TTC34: variants seen among roughly 807,000 people sequenced by gnomAD.
TTC34 encodes tetratricopeptide repeat domain 34.
A neutral mutation model predicts 40.7 loss-of-function variants in TTC34; 44 were observed. That is an observed-to-expected ratio of 1.08 (90% CI 0.85 to 1.39). The LOEUF is 1.39. TTC34 is among the 40% of genes most tolerant of loss of function. TTC34 has a pLI of 0.00. For synonymous variants in TTC34, 422 were observed against 398.6 expected (o/e 1.06, Z -0.70); for missense variants, 884 against 838.0 (o/e 1.05, Z -0.68).
intron 6 of TTC34, among the ~76,000 whole-genome samples, chr1:2,648,719 C>G (rs1293461162): frequency 6.8e-6 from 1 of 147,640 alleles, no homozygotes; most frequent in African/African-American, 2.5e-5. Context: ...CACAGGTGAG[C>G]ATCTGACAGC....
At chr1:2,762,072 C>A (rs1173392307) in intron 6 of TTC34, among the ~76,000 whole-genome samples, 2 of 62,292 alleles carry the variant, frequency 3.2e-5, no homozygotes, top group Non-Finnish European at 5.2e-5. Flanking sequence ...CATCTGACAG[C>A]CTGGAGCAGC....
At chr1:2,790,038 C>T in exon 3 of TTC34, 1 of 397,230 alleles carries the variant, frequency 2.5e-6, no homozygotes, top group Non-Finnish European at 4.4e-6. Flanking sequence ...CCGGCAGGCG[C>T]CAGGCGAAGC....
At chr1:2,684,662 G>T (rs1228482450) in intron 6 of TTC34, among the ~76,000 whole-genome samples, 9 of 112,224 alleles carry the variant, frequency 8.0e-5, no homozygotes, top group East Asian at 2.8e-4. Flanking sequence ...CGACAGCCTG[G>T]AGCAGCACCC....
At chr1:2,784,468 C>T (rs1312346121) in intron 5 of TTC34, among the ~76,000 whole-genome samples, 1 of 152,110 alleles carries the variant, frequency 6.6e-6, no homozygotes. Context: ...TCCAGCCTTC[C>T]ATAAGAAGCT....
intron 6 of TTC34, among the ~76,000 whole-genome samples, chr1:2,759,473 C>T (rs1641619562): frequency 7.3e-6 from 1 of 137,236 alleles, no homozygotes; most frequent in Non-Finnish European, 1.6e-5. Flanking sequence ...GAGCAGCACC[C>T]CACACCCCCA....
At chr1:2,787,176 C>T (rs755945201) in intron 4 of TTC34, among the ~76,000 whole-genome samples, 2 of 152,174 alleles carry the variant, frequency 1.3e-5, no homozygotes, top group African/African-American at 4.8e-5. Flanking sequence ...GGTTCCTGGC[C>T]CTTATGCTTC....
rs559768063 is a variant in TTC34, at chr1:2,769,650, A to T, written c.2226+13959T>A. ...CCACACCCCCAGGTGAGCATCTGAC[A>T]GCCTGGAGCAGCACCCTACACCCCC... On this transcript the variant is annotated intron_variant, in intron 6 of 8. Transcript: ENST00000401095. Among the ~76,000 whole-genome samples, 64 of 126,122 alleles carry T rather than the reference A, an allele frequency of 5.1e-4. 1 individual carries two copies. The highest frequency in any genetic ancestry group is 1.7e-3 in the Admixed American group (20 of 12,090). 82.7% of individuals were successfully genotyped at this position (126,122 alleles called of 152,430 possible).
chr1:2,686,903 A>G (rs1233758112), intron 6 of TTC34, among the ~76,000 whole-genome samples: 130 of 145,354 alleles, frequency 8.9e-4, no homozygotes, highest in Non-Finnish European at 1.8e-3. Context: ...AGCATCTGAC[A>G]GCCTGGAACA....
intron 6 of TTC34, among the ~76,000 whole-genome samples, chr1:2,767,949 G>T (rs973848187): frequency 2.0e-5 from 3 of 149,046 alleles, no homozygotes; most frequent in Non-Finnish European, 3.0e-5. Context: ...GCATCCGATG[G>T]CATGGAACAG....
chr1:2,687,693 T>C (rs796387021), intron 6 of TTC34, among the ~76,000 whole-genome samples: 1 of 70,092 alleles, frequency 1.4e-5, no homozygotes, highest in Admixed American at 1.3e-4. Context: ...ACACCCCCAG[T>C]TGAGCATCTG....
chr1:2,700,045 G>T lies in TTC34; in HGVS notation c.2227-54482C>A, dbSNP rs192669311. Among the ~76,000 whole-genome samples the T allele has an allele frequency of 4.3e-5, 4 of 92,456 alleles. 1 individual carries two copies. In the Admixed American group the frequency reaches 4.8e-4, roughly 11 times the overall value. The allele number at this position is 92,456 out of a possible 152,430, so 60.7% of individuals were successfully genotyped here. ...TGAGCATCTGATAGCCTGGAGCAGC[G>T]CCCACACCCAGAGGTGAGCATATGA... On this transcript the variant is annotated intron_variant, in intron 6 of 8. Coordinates refer to ENST00000401095, the Ensembl canonical transcript of TTC34.
chr1:2,752,262 C>T (rs1335981512), intron 6 of TTC34, among the ~76,000 whole-genome samples: 2 of 89,346 alleles, frequency 2.2e-5, no homozygotes, highest in Non-Finnish European at 4.2e-5. Context: ...CCAGCTGAGC[C>T]TCTGACAGCC....
chr1:2,693,887 G>C (rs1640740519), intron 6 of TTC34, among the ~76,000 whole-genome samples: 2 of 139,880 alleles, frequency 1.4e-5, no homozygotes, highest in Non-Finnish European at 1.6e-5. Context: ...GCATCTGACA[G>C]ACTGGAACAG....
At position 2,641,523 on chromosome 1, in the gene TTC34, G is replaced by C. The variant is rs1638902301; in HGVS notation, c.3085C>G (p.Leu1029Val). 1.3e-6 allele frequency: 2 copies of C among 1,535,220 alleles called. 1 individual carries two copies. The highest frequency in any genetic ancestry group is 2.4e-5 in the South Asian group (2 of 84,006). ...TCCAGGCAGCACTGCCCGCGGAGAA[G>C]GAACATGCGTGCAGTGGGGGCCCGG... Residue 1029 changes from leucine (L) to valine (V), a missense_variant, in exon 9 of 9, where the codon CTT becomes GTT. Coordinates refer to ENST00000401095, the Ensembl canonical transcript of TTC34.
chr1:2,751,138 G>A (rs1238403069), intron 6 of TTC34, among the ~76,000 whole-genome samples: 2 of 106,918 alleles, frequency 1.9e-5, no homozygotes, highest in Admixed American at 9.9e-5. Context: ...CCCCAGGGGA[G>A]CATCTGACAC....
At chr1:2,662,818 ATCC>A (rs1424887434) in intron 6 of TTC34, among the ~76,000 whole-genome samples, 2 of 27,994 alleles carry the variant, frequency 7.1e-5, no homozygotes, top group African/African-American at 1.0e-4. Flanking sequence ...AGCATCTGAC[ATCC>A]TGGAGCAGCA....
At chr1:2,650,487 G>A (rs1406790044) in intron 6 of TTC34, among the ~76,000 whole-genome samples, 2 of 150,848 alleles carry the variant, frequency 1.3e-5, no homozygotes, top group African/African-American at 4.9e-5. Flanking sequence ...TGACAATCTG[G>A]AACAGGACCC....
intron 6 of TTC34, among the ~76,000 whole-genome samples, chr1:2,777,595 G>A (rs1039433489): frequency 6.6e-6 from 1 of 152,164 alleles, no homozygotes; most frequent in Non-Finnish European, 1.5e-5. Flanking sequence ...TTGGCCAGGA[G>A]GAGGGGCCTG....
chr1:2,652,489 A>G (rs1639178671), intron 6 of TTC34, among the ~76,000 whole-genome samples: 1 of 151,952 alleles, frequency 6.6e-6, no homozygotes. Flanking sequence ...CCACACCCCC[A>G]GGCGAGCATC....
Sources: allele counts gnomAD v4.1 joint callset (sites outside exome capture counted in the v4.1 genomes callset), GRCh38; gene constraint gnomAD v4.1.1; transcripts MANE v1.5; gene names NCBI Gene and HGNC (gene_info 2026-07-23, HGNC 2026-07-21).